Variants in SAMD5 observed in about 807,000 individuals in gnomAD.
The protein encoded by SAMD5 is sterile alpha motif domain-containing protein 5.
A neutral mutation model predicts 11.3 loss-of-function variants in SAMD5; 13 were observed. That is an observed-to-expected ratio of 1.15 (90% confidence interval 0.75 to 1.83). The LOEUF is 1.83. Ranked by LOEUF, SAMD5 falls within the 40% of genes most tolerant of loss-of-function variation. The pLI is 0.00. For synonymous variants in SAMD5, 129 were observed against 111.3 expected, an observed-to-expected ratio of 1.16 and a Z score of -1.00; for missense variants, 255 against 239.1, an observed-to-expected ratio of 1.07 and a Z score of -0.44.
intron 1 of SAMD5, among the ~76,000 whole-genome samples, chr6:147,627,633 CA>C (rs2128450986): frequency 6.6e-6 from 1 of 152,304 alleles, no homozygotes; most frequent in South Asian, 2.1e-4. Flanking sequence ...CAGCCACACA[CA>C]ATGCATTCAA....
the SAMD5 span, among the ~76,000 whole-genome samples, chr6:147,814,691 A>G: frequency 1.3e-5 from 2 of 152,176 alleles, no homozygotes; most frequent in Non-Finnish European, 2.9e-5. Flanking sequence ...CCACTTCTCA[A>G]AATATTTACA....
chr6:147,673,368 C>T (rs904239647), intron 1 of SAMD5, among the ~76,000 whole-genome samples: 1 of 152,088 alleles, frequency 6.6e-6, no homozygotes, highest in African/African-American at 2.4e-5. Flanking sequence ...TGCCTGCCAC[C>T]ACGCCCAGCT....
chr6:147,549,205 G>A (rs1018146112), intron 1 of SAMD5, among the ~76,000 whole-genome samples: 5 of 152,146 alleles, frequency 3.3e-5, no homozygotes, highest in Non-Finnish European at 4.4e-5. Flanking sequence ...TGATACTTGC[G>A]TGCACCAGTT....
intron 1 of SAMD5, among the ~76,000 whole-genome samples, chr6:147,723,032 C>T (rs1443300869): frequency 5.3e-5 from 8 of 152,200 alleles, no homozygotes; most frequent in African/African-American, 1.9e-4. Flanking sequence ...TTCAGCAGCC[C>T]TTGCACACTG....
At chr6:147,611,128 T>C (rs1789778594) in intron 1 of SAMD5, among the ~76,000 whole-genome samples, 1 of 152,064 alleles carries the variant, frequency 6.6e-6, no homozygotes, top group African/African-American at 2.4e-5. Context: ...CACCTTGGCC[T>C]CCCAAAGTGC....
At chr6:147,896,760 A>AAACAAACAAACAAAAG in the SAMD5 span, among the ~76,000 whole-genome samples, 1 of 150,904 alleles carries the variant, frequency 6.6e-6, no homozygotes, top group African/African-American at 2.4e-5. Context: ...AAAAAAAAAA[A>AAACAAACAAACAAAAG]AAACGCATCA....
At chr6:147,801,535 T>C in the SAMD5 span, among the ~76,000 whole-genome samples, 2 of 152,220 alleles carry the variant, frequency 1.3e-5, no homozygotes, top group African/African-American at 4.8e-5. Context: ...CTCACCAGGC[T>C]GCTCTTTGGG....
the SAMD5 span, among the ~76,000 whole-genome samples, chr6:147,759,810 TC>T: frequency 6.6e-6 from 1 of 152,158 alleles, no homozygotes; most frequent in Non-Finnish European, 1.5e-5. Context: ...GTGTGGTCTT[TC>T]TTTAAGACCA....
intron 1 of SAMD5, among the ~76,000 whole-genome samples, chr6:147,619,696 G>A (rs1279336373): frequency 1.3e-5 from 2 of 152,236 alleles, no homozygotes; most frequent in Non-Finnish European, 2.9e-5. Context: ...AAAGGTGTTA[G>A]CAGTATCAGG....
At position 147,638,861 on chromosome 6, in the gene SAMD5, C is replaced by CA. The variant is rs1790270365; in HGVS notation, c.163-98450dup. 1.3e-5 allele frequency among the ~76,000 whole-genome samples: 2 copies of CA among 152,108 alleles called. 1 individual carries two copies. The highest frequency in any genetic ancestry group is 4.1e-4 in the South Asian group (2 of 4,826). On this transcript the variant is annotated intron_variant, in intron 1 of 1. Coordinates refer to the SAMD5 transcript ENST00000566741. ...GTGTTACCTGTAATATGGATTTTGA[C>CA]AAAAAATTTAACAATACATTTCTTT...
chr6:147,882,603 A>C, the SAMD5 span, among the ~76,000 whole-genome samples: 1 of 152,228 alleles, frequency 6.6e-6, no homozygotes, highest in Admixed American at 6.5e-5. Flanking sequence ...AATTAAAAGA[A>C]AAATATTCTT....
At chr6:147,694,794 C>T (rs888900877) in intron 1 of SAMD5, among the ~76,000 whole-genome samples, 1 of 152,056 alleles carries the variant, frequency 6.6e-6, no homozygotes, top group African/African-American at 2.4e-5. Flanking sequence ...TCCAGCCTGG[C>T]GACAGAGCAA....
chr6:147,588,955 C>CATTATT (rs912672136), intron 1 of SAMD5, among the ~76,000 whole-genome samples: 17 of 151,524 alleles, frequency 1.1e-4, no homozygotes, highest in African/African-American at 3.9e-4. Flanking sequence ...GTGGTCCTGG[C>CATTATT]ATTATTATTA....
chr6:147,686,079 A>T (rs1248675257), intron 1 of SAMD5, among the ~76,000 whole-genome samples: 1 of 152,208 alleles, frequency 6.6e-6, no homozygotes, highest in Non-Finnish European at 1.5e-5. Flanking sequence ...GTATTTATTG[A>T]CCGTACGGAT....
At chr6:147,951,721 A>ATT in the SAMD5 span, among the ~76,000 whole-genome samples, 1 of 152,126 alleles carries the variant, frequency 6.6e-6, no homozygotes, top group African/African-American at 2.4e-5. Context: ...CTTAAGGGGA[A>ATT]TTTGATTGAT....
At chr6:147,588,288 AT>A (rs887347475) in intron 1 of SAMD5, among the ~76,000 whole-genome samples, 44 of 142,690 alleles carry the variant, frequency 3.1e-4, no homozygotes, top group Non-Finnish European at 4.4e-4. Context: ...AATATCGGCC[AT>A]TTTTTTTTCC....
intron 1 of SAMD5, among the ~76,000 whole-genome samples, chr6:147,596,307 A>T (rs116420703): frequency 0.015 from 2,299 of 152,272 alleles, 53 homozygotes; most frequent in African/African-American, 0.052. Flanking sequence ...TCTTTGCTTC[A>T]GTGCCTTCGA....
the SAMD5 span, among the ~76,000 whole-genome samples, chr6:147,865,236 A>ATG: frequency 1.1e-4 from 17 of 150,594 alleles, no homozygotes; most frequent in African/African-American, 2.7e-4. Context: ...ACAGACTGTG[A>ATG]TGTGTGTGTG....
At chr6:147,515,805 G>A (rs532734287) in intron 1 of SAMD5, among the ~76,000 whole-genome samples, 1 of 152,210 alleles carries the variant, frequency 6.6e-6, no homozygotes, top group African/African-American at 2.4e-5. Context: ...AAGGATTGGA[G>A]GATGTTGCAC....
Sources: gnomAD v4.1 joint callset for allele counts (sites outside exome capture counted in the v4.1 genomes callset) on GRCh38, gnomAD v4.1.1 for gene constraint, MANE v1.5 for transcripts, NCBI Gene and HGNC (gene_info 2026-07-23, HGNC 2026-07-21) for gene names.